The following ANLN variants were observed in gnomAD, a reference collection of about 807,000 sequenced individuals.
The protein encoded by ANLN is anillin.
A neutral mutation model predicts 135.1 loss-of-function variants in ANLN; 59 were observed. That is an observed-to-expected ratio of 0.44 (90% CI 0.35 to 0.54). The LOEUF (loss-of-function observed/expected upper bound fraction) is 0.54, where lower values mean the gene tolerates loss of function less well. Among genes scored for constraint, ANLN ranks in the 20% least tolerant of loss-of-function variants. The probability of loss-of-function intolerance (pLI) is 0.00; values close to 1 mark genes in which losing one functional copy is unlikely to be tolerated. For missense variants in ANLN, 1,182 were observed against 1,340.0 expected (o/e 0.88, Z 1.84); for synonymous variants, 406 against 456.4 (o/e 0.89, Z 1.41).
At chr7:36,421,821 T>C (rs1048425041) in intron 12 of ANLN, 36 bp from the exon 13 acceptor site, 17 of 1,543,162 alleles carry the variant, frequency 1.1e-5, no homozygotes, top group Non-Finnish European at 1.2e-5. Flanking sequence ...TGATTTAAAA[T>C]GTGTATATTT....
intron 15 of ANLN, 52 bp downstream of exon 15, chr7:36,423,995 T>C: frequency 1.3e-6 from 2 of 1,580,520 alleles, no homozygotes; most frequent in Non-Finnish European, 1.7e-6. Context: ...TTTTGTAGAG[T>C]TGATACAGTC....
At chr7:36,411,425 T>A (rs1310440509) in intron 7 of ANLN, among the ~76,000 whole-genome samples, 3 of 152,244 alleles carry the variant, frequency 2.0e-5, no homozygotes, top group African/African-American at 7.2e-5. Flanking sequence ...ATCATTCATT[T>A]GATTTCAGAG....
chr7:36,450,166 A>T (rs185214207), intron 23 of ANLN, among the ~76,000 whole-genome samples: 1 of 152,326 alleles, frequency 6.6e-6, no homozygotes, highest in Admixed American at 6.5e-5. Flanking sequence ...ATTCAAAGAG[A>T]CTTTACACAT....
intron 20 of ANLN, among the ~76,000 whole-genome samples, chr7:36,431,273 C>G (rs977775557): frequency 3.9e-5 from 6 of 152,042 alleles, no homozygotes; most frequent in African/African-American, 1.4e-4. Flanking sequence ...GGAGGTTCAT[C>G]TCATGAAATT....
intron 20 of ANLN, chr7:36,428,321 A>T: frequency 7.8e-7 from 1 of 1,281,506 alleles, no homozygotes; most frequent in Non-Finnish European, 1.0e-6. Flanking sequence ...ATTATGATGT[A>T]AGAGAGCGAG....
intron 6 of ANLN, 129 bp from the exon 7 acceptor site, chr7:36,410,930 C>G: frequency 1.0e-6 from 1 of 954,072 alleles, no homozygotes; most frequent in Non-Finnish European, 1.5e-6. Flanking sequence ...GTATTATGAA[C>G]TTTTTAAACT....
chr7:36,390,232 G>A (rs1786377984), intron 1 of ANLN, 188 bp downstream of exon 1: 2 of 878,144 alleles, frequency 2.3e-6, no homozygotes, highest in Non-Finnish European at 3.5e-6. Context: ...CTGAGATTTT[G>A]TTGTTTCGGT....
intron 7 of ANLN, among the ~76,000 whole-genome samples, chr7:36,414,728 T>C (rs536828936): frequency 6.6e-6 from 1 of 152,360 alleles, no homozygotes; most frequent in Middle Eastern, 3.4e-3. Flanking sequence ...TATTTTTTAA[T>C]CCACTCATCT....
intron 9 of ANLN, among the ~76,000 whole-genome samples, chr7:36,418,074 T>TA (rs1222770386): frequency 6.6e-6 from 1 of 152,146 alleles, no homozygotes; most frequent in Non-Finnish European, 1.5e-5. Context: ...GGGAAATACT[T>TA]ACGTTTACTG....
chr7:36,427,649 C>T (rs1479488977), intron 20 of ANLN, among the ~76,000 whole-genome samples: 2 of 152,100 alleles, frequency 1.3e-5, no homozygotes, highest in African/African-American at 4.8e-5. Context: ...CCACCTTGCC[C>T]GGCCAGCCTA....
chr7:36,431,209 A>C (rs570769915), intron 20 of ANLN, among the ~76,000 whole-genome samples: 2 of 152,232 alleles, frequency 1.3e-5, no homozygotes, highest in South Asian at 4.1e-4. Context: ...TAGGATGATG[A>C]GGCATATGAT....
chr7:36,411,374 C>T (rs1787406601), intron 7 of ANLN, among the ~76,000 whole-genome samples: 1 of 152,214 alleles, frequency 6.6e-6, no homozygotes. Context: ...TCACCATATT[C>T]ATTGATGACC....
intron 20 of ANLN, among the ~76,000 whole-genome samples, chr7:36,431,593 G>GTGTA (rs1328724706): frequency 9.9e-5 from 2 of 20,134 alleles, no homozygotes; most frequent in African/African-American, 2.0e-4. Flanking sequence ...GTGTGTGTGT[G>GTGTA]TGTGTATATA....
rs774828191 is a variant in ANLN, at chr7:36,396,279, G to A, written c.32G>A (p.Arg11Gln). Reference protein sequence around the residue: MDPFTEKLLERTRARRENLQR... With the variant: MDPFTEKLLEQTRARRENLQR... Reference sequence around the variant, plus strand: ...TTATTTATGTAGAAACTGCTGGAGCGAACCCGTGCCAGGCGAGAGAATCTT... The same window carrying A: ...TTATTTATGTAGAAACTGCTGGAGCAAACCCGTGCCAGGCGAGAGAATCTT... Residue 11 changes from arginine (R) to glutamine (Q), a missense_variant, in exon 2 of 24, where the codon CGA (arginine) becomes CAA (glutamine). This residue lies in a region of ANLN where 1,022 missense variants were observed against 1,134.0 expected (regional missense o/e 0.90). Coordinates refer to ENST00000265748, the MANE Select transcript of ANLN (RefSeq NM_018685.5). 8 of 1,601,680 alleles carry A rather than the reference G, an allele frequency of 5.0e-6. No homozygotes were observed. The East Asian group carries it at 1.1e-4, about 22-fold the overall frequency.
chr7:36,445,437 T>C (rs1485863782), intron 22 of ANLN, among the ~76,000 whole-genome samples: 2 of 152,184 alleles, frequency 1.3e-5, no homozygotes, highest in Admixed American at 1.3e-4. Flanking sequence ...ACATATTGTA[T>C]GTATTATTCT....
intron 7 of ANLN, among the ~76,000 whole-genome samples, chr7:36,411,621 T>C (rs1787416381): frequency 6.6e-6 from 1 of 152,306 alleles, no homozygotes; most frequent in Admixed American, 6.5e-5. Flanking sequence ...TTCAACAAAA[T>C]CTCTACAATG....
chr7:36,414,651 C>T (rs78152932), intron 7 of ANLN, among the ~76,000 whole-genome samples: 3,001 of 152,168 alleles, frequency 0.02, 47 homozygotes, highest in Middle Eastern at 0.054. Context: ...GATATGAGAC[C>T]GTAGATTTTA....
chr7:36,421,637 T>C (rs1362136687), intron 12 of ANLN, among the ~76,000 whole-genome samples: 1 of 152,204 alleles, frequency 6.6e-6, no homozygotes. Context: ...AAGTATGAAT[T>C]GGAAGTTTTT....
chr7:36,432,390 C>A (rs1788368379), intron 20 of ANLN, among the ~76,000 whole-genome samples: 1 of 152,198 alleles, frequency 6.6e-6, no homozygotes, highest in Non-Finnish European at 1.5e-5. Context: ...AATTATCAAA[C>A]CATCCTTTGC....
Sources: gnomAD v4.1 joint callset for allele counts (sites outside exome capture counted in the v4.1 genomes callset) on GRCh38, gnomAD v4.1.1 for gene constraint, gnomAD v4.1.1 regional missense constraint, MANE v1.5 for transcripts, NCBI Gene and HGNC (gene_info 2026-07-23, HGNC 2026-07-21) for gene names.